The following ROBO1 variants were observed in gnomAD, a reference collection of about 807,000 sequenced individuals.
The protein encoded by ROBO1 is roundabout guidance receptor 1, also known as roundabout homolog 1.
In ROBO1, 149 loss-of-function variants were observed where a neutral mutation model predicts 195.9. The ratio of observed to expected loss-of-function variants is 0.76; its 90% CI spans 0.67 to 0.87. The LOEUF (loss-of-function observed/expected upper bound fraction) is 0.87, where lower values mean the gene tolerates loss of function less well. ROBO1 is among the 40% of genes least tolerant of loss of function. ROBO1 has a pLI of 0.00. For missense variants in ROBO1, 1,933 were observed against 2,068.3 expected (o/e 0.93, Z 1.27); for synonymous variants, 816 against 733.2 (o/e 1.11, Z -1.82).
intron 16 of ROBO1, chr3:78,660,640 G>A (rs7651418): frequency 0.018 from 2,934 of 162,466 alleles, 91 homozygotes; most frequent in African/African-American, 0.065. Context: ...CTAATCCCAC[G>A]AAGTCCTGGG....
intron 2 of ROBO1, among the ~76,000 whole-genome samples, chr3:79,340,449 A>G (rs1311513164): frequency 6.6e-6 from 1 of 152,142 alleles, no homozygotes; most frequent in African/African-American, 2.4e-5. Flanking sequence ...AATTCATATT[A>G]CCAGGGGAAA....
Position 79,185,653 on chromosome 3 carries a change from A to G in ROBO1, c.89-60114T>C, listed in dbSNP as rs143453321. 2.2e-4 allele frequency among the ~76,000 whole-genome samples: 33 copies of G among 152,262 alleles called. No individual in the cohort carries two copies. In the East Asian group the frequency reaches 5.4e-3, roughly 25 times the overall value. On this transcript the variant is annotated intron_variant, in intron 2 of 30. Transcript: ENST00000464233. ...TTAGATCAGTGATGACAGGAAGTCA[A>G]TAAAGACCTATGTAACTTGATTGTA...
At chr3:79,149,072 G>A in intron 2 of ROBO1, among the ~76,000 whole-genome samples, 1 of 151,842 alleles carries the variant, frequency 6.6e-6, no homozygotes, top group East Asian at 1.9e-4. Context: ...TGATACATTG[G>A]TAGCCTCAAT....
rs566810126 is a variant in ROBO1 at position 78,671,201 on chromosome 3, G to C, written c.1343-900C>G. On this transcript the variant is annotated intron_variant, in intron 10 of 30. Transcript: ENST00000464233. ...TTATCTGACATGAAGTCTTTTTTAG[G>C]GGAAAACATAGAACAACTGTGTTGG... 8.6e-5 allele frequency among the ~76,000 whole-genome samples: 13 copies of C among 151,646 alleles called. No individual in the cohort carries two copies. In the South Asian group the frequency reaches 2.7e-3, roughly 32 times the overall value.
intron 1 of ROBO1, among the ~76,000 whole-genome samples, chr3:79,693,472 T>C (rs1279051353): frequency 6.6e-6 from 1 of 151,624 alleles, no homozygotes; most frequent in Non-Finnish European, 1.5e-5. Flanking sequence ...GATCTTGTTC[T>C]GTAACCCAGG....
chr3:78,712,537 A>G (rs902727768), intron 8 of ROBO1, among the ~76,000 whole-genome samples: 12 of 152,022 alleles, frequency 7.9e-5, no homozygotes, highest in African/African-American at 2.9e-4. Flanking sequence ...TGTGTTTATT[A>G]TTCCAGCATG....
chr3:78,604,499 G>A (rs746999288), intron 29 of ROBO1, among the ~76,000 whole-genome samples: 15 of 152,178 alleles, frequency 9.9e-5, no homozygotes, highest in Admixed American at 6.5e-4. Context: ...TGAGTCAAAA[G>A]TTCAGAGCCA....
intron 2 of ROBO1, among the ~76,000 whole-genome samples, chr3:79,139,541 C>T (rs2080478838): frequency 6.6e-6 from 1 of 152,066 alleles, no homozygotes; most frequent in African/African-American, 2.4e-5. Context: ...AATGTGATGA[C>T]TACCCCTTTA....
intron 1 of ROBO1, among the ~76,000 whole-genome samples, chr3:79,683,937 A>G (rs752571133): frequency 1.3e-5 from 2 of 152,110 alleles, no homozygotes; most frequent in Non-Finnish European, 2.9e-5. Context: ...GAGTGGACAC[A>G]TGCTTTCAAT....
At chr3:78,916,573 AG>A (rs2038610490) in intron 4 of ROBO1, among the ~76,000 whole-genome samples, 1 of 151,654 alleles carries the variant, frequency 6.6e-6, no homozygotes, top group African/African-American at 2.4e-5. Context: ...AAAAAAAAAA[AG>A]AAAAAAATGG....
At chr3:79,006,145 G>C (rs1485152909) in intron 3 of ROBO1, among the ~76,000 whole-genome samples, 1 of 152,018 alleles carries the variant, frequency 6.6e-6, no homozygotes, top group Non-Finnish European at 1.5e-5. Flanking sequence ...GCTCATCAAA[G>C]GGCTCGTGGT....
chr3:79,246,247 G>A (rs1193413574), intron 2 of ROBO1, among the ~76,000 whole-genome samples: 1 of 152,056 alleles, frequency 6.6e-6, no homozygotes, highest in African/African-American at 2.4e-5. Flanking sequence ...TGTATACCAT[G>A]TCTTTTAATT....
intron 4 of ROBO1, among the ~76,000 whole-genome samples, chr3:78,870,876 G>A (rs181739588): frequency 3.3e-5 from 5 of 152,134 alleles, no homozygotes; most frequent in South Asian, 2.1e-4. Flanking sequence ...ACATGGCCTC[G>A]ATGAAATTTT....
In ROBO1 at chr3:78,726,381, G is replaced by T. The variant is rs183313552; in HGVS notation, c.658-8498C>A. The stretch of plus-strand genomic sequence containing the variant: ...TTTACAATTTTCTAAAAGATTAAAG[G>T]TTTGAAAATATTGATTTACAGTAGT... On this transcript the variant is annotated intron_variant, in intron 5 of 30. Transcript: ENST00000464233. 3.5e-3 allele frequency among the ~76,000 whole-genome samples: 533 copies of T among 152,234 alleles called. 3 individuals carry two copies. The highest frequency in any genetic ancestry group is 6.6e-3 in the Non-Finnish European group (448 of 68,012).
intron 1 of ROBO1, among the ~76,000 whole-genome samples, chr3:79,599,658 A>G (rs78572327): frequency 0.034 from 5,136 of 151,996 alleles, 116 homozygotes; most frequent in Middle Eastern, 0.058. Context: ...GCTCAAATCA[A>G]TTTTTCACCC....
At chr3:79,389,439 C>T (rs1181355227) in intron 2 of ROBO1, among the ~76,000 whole-genome samples, 3 of 151,844 alleles carry the variant, frequency 2.0e-5, no homozygotes, top group African/African-American at 4.8e-5. Context: ...GGTTGAGAAA[C>T]GAGATTCTCA....
chr3:79,500,475 T>C (rs528257699), intron 2 of ROBO1, among the ~76,000 whole-genome samples: 3 of 152,238 alleles, frequency 2.0e-5, no homozygotes, highest in African/African-American at 7.2e-5. Flanking sequence ...CTGAGCTCCA[T>C]TGTTGTTGAT....
At chr3:79,575,214 TATATATATAACAAATATATATAA>T (rs1441962830) in intron 2 of ROBO1, among the ~76,000 whole-genome samples, 392 of 114,918 alleles carry the variant, frequency 3.4e-3, no homozygotes, top group East Asian at 0.012. Flanking sequence ...ATAACAGATA[TATATATATAACAAATATATATAA>T]ATATATATAA....
Position 79,267,230 on chromosome 3 carries a change from G to A in ROBO1, c.89-141691C>T, listed in dbSNP as rs139307135. Among the ~76,000 whole-genome samples, 202 of 151,492 alleles carry A rather than the reference G, an allele frequency of 1.3e-3. 3 individuals carry two copies. In the East Asian group the frequency reaches 0.036, roughly 27 times the overall value. On this transcript the variant is annotated intron_variant, in intron 2 of 30. Transcript: ENST00000464233. The stretch of plus-strand genomic sequence containing the variant: ...TTCTAAAAAGCTAAATATAAAAGAG[G>A]AATATATAATAAAAATTTGTATTCT...
Sources: gnomAD v4.1 joint callset for allele counts (sites outside exome capture counted in the v4.1 genomes callset) on GRCh38, gnomAD v4.1.1 for gene constraint, MANE v1.5 for transcripts, NCBI Gene and HGNC (gene_info 2026-07-23, HGNC 2026-07-21) for gene names.